Variants in CBL observed in about 807,000 individuals in gnomAD.
The protein encoded by CBL is E3 ubiquitin-protein ligase CBL.
Under a neutral mutation model 96.9 loss-of-function variants are expected in CBL, and 45 were observed. The ratio of observed to expected loss-of-function variants is 0.46; its 90% confidence interval spans 0.37 to 0.60. The LOEUF is 0.60. CBL is among the 20% of genes least tolerant of loss of function. The pLI is 0.00. For missense variants in CBL, 1,024 were observed against 1,143.5 expected (o/e 0.90, Z 1.51); for synonymous variants, 420 against 426.8 (o/e 0.98, Z 0.20).
Position 119,302,171 on chromosome 11 carries a change from G to A in CBL, c.*2390G>A. ...TGTGTTGTGTGTGTGTGCCATCCAT[G>A]GGCTTGGGTGTCAGTTTGTCACAGG... On this transcript the variant is annotated 3_prime_UTR_variant, in exon 16 of 16. Coordinates refer to ENST00000264033, the MANE Select transcript of CBL (RefSeq NM_005188.4). 4.3e-6 allele frequency: 1 copy of A among 232,942 alleles called. No individual in the cohort carries two copies. Among genetic ancestry groups the A allele is most frequent in the Non-Finnish European group, 8.5e-6 (1 of 117,848 alleles). The allele number at this position is 232,942 out of a possible 1,614,324, so 14.4% of individuals were successfully genotyped here. A position where few individuals can be genotyped will look rare whatever the true frequency, so the allele number is the denominator to read the frequency against.
At chr11:119,267,283 A>C (rs189425925) in intron 2 of CBL, among the ~76,000 whole-genome samples, 30 of 152,314 alleles carry the variant, frequency 2.0e-4, no homozygotes, top group Admixed American at 2.0e-4. Flanking sequence ...TTCAGTCAGC[A>C]CTTTGAACTG....
At chr11:119,267,179 GAT>G (rs1378878383) in intron 2 of CBL, among the ~76,000 whole-genome samples, 2 of 152,080 alleles carry the variant, frequency 1.3e-5, no homozygotes, top group Non-Finnish European at 2.9e-5. Flanking sequence ...GCTTACAGTG[GAT>G]ATCTCTGGTG....
chr11:119,297,531 G>A (rs2509660), intron 14 of CBL, 50 bp downstream of exon 14: 2 of 1,345,502 alleles, frequency 1.5e-6, no homozygotes, highest in Non-Finnish European at 2.1e-6. Flanking sequence ...TCATAGGAAT[G>A]AACATGTAAT....
chr11:119,219,613 T>C (rs1394775825), intron 1 of CBL, among the ~76,000 whole-genome samples: 1 of 151,870 alleles, frequency 6.6e-6, no homozygotes, highest in Non-Finnish European at 1.5e-5. Context: ...ACCACTGTAA[T>C]CTCTAGTTCA....
chr11:119,282,000 T>C (rs2509398), intron 9 of CBL, among the ~76,000 whole-genome samples: 4,738 of 152,284 alleles, frequency 0.031, 264 homozygotes, highest in African/African-American at 0.11. Context: ...CATTTATAAA[T>C]TTATAAAGGT....
chr11:119,220,923 C>A lies in CBL; in HGVS notation c.196-11525C>A, dbSNP rs186301653. On this transcript the variant is annotated intron_variant, in intron 1 of 15. Coordinates refer to ENST00000264033, the MANE Select transcript of CBL (RefSeq NM_005188.4). The stretch of plus-strand genomic sequence containing the variant: ...ATGACACTTTTTTTTTTCCTGTGAT[C>A]AGTTGACTTTAAAATATGTTTGTTA... 3.4e-3 allele frequency among the ~76,000 whole-genome samples: 511 copies of A among 150,704 alleles called. 9 individuals carry two copies. Among genetic ancestry groups the A allele is most frequent in the Non-Finnish European group, 1.8e-3 (125 of 67,764 alleles).
At chr11:119,261,912 T>G (rs1949757559) in intron 2 of CBL, among the ~76,000 whole-genome samples, 2 of 152,206 alleles carry the variant, frequency 1.3e-5, no homozygotes, top group Admixed American at 1.3e-4. Flanking sequence ...TATTTGTGCT[T>G]TAATGAGAAT....
intron 2 of CBL, among the ~76,000 whole-genome samples, chr11:119,247,608 C>T (rs1341843428): frequency 2.0e-5 from 3 of 152,128 alleles, no homozygotes; most frequent in Non-Finnish European, 4.4e-5. Flanking sequence ...GTCAAGAGTT[C>T]AAGACTAGCC....
chr11:119,233,377 A>G (rs1045691254), intron 2 of CBL, among the ~76,000 whole-genome samples: 3 of 152,148 alleles, frequency 2.0e-5, no homozygotes, highest in African/African-American at 7.2e-5. Context: ...GGGATTATAG[A>G]TGTGCACCAC....
chr11:119,279,324 A>G (rs1481874556), intron 9 of CBL, among the ~76,000 whole-genome samples: 1 of 151,532 alleles, frequency 6.6e-6, no homozygotes, highest in Non-Finnish European at 1.5e-5. Context: ...ATATAGTGAG[A>G]CCCTATCTCT....
At chr11:119,236,633 G>A (rs1389301601) in intron 2 of CBL, among the ~76,000 whole-genome samples, 3 of 145,620 alleles carry the variant, frequency 2.1e-5, no homozygotes, top group Non-Finnish European at 3.0e-5. Context: ...ACCCATAGGA[G>A]TGGAATTGCT....
rs556111067 is a variant in CBL, at chr11:119,301,937, A to C, written c.*2156A>C. 1 of 233,124 alleles carries C rather than the reference A, an allele frequency of 4.3e-6. No homozygotes were observed. Among genetic ancestry groups the C allele is most frequent in the African/African-American group, 2.2e-5 (1 of 45,430 alleles). 14.4% of individuals were successfully genotyped at this position (233,124 alleles called of 1,614,324 possible). A position where few individuals can be genotyped will look rare whatever the true frequency, so the allele number is the denominator to read the frequency against. On this transcript the variant is annotated 3_prime_UTR_variant, in exon 16 of 16. Coordinates refer to ENST00000264033, the MANE Select transcript of CBL (RefSeq NM_005188.4). ...CAGTTTCCAGGCCCATCCATATTGT[A>C]ATTTTTCTTTATCTGCAGATATTGC...
In CBL at chr11:119,298,480, G is replaced by T. The variant is rs1313299985; in HGVS notation, c.2374G>T (p.Asp792Tyr). The T allele has an allele frequency of 1.9e-6, 3 of 1,614,220 alleles. No homozygotes were observed. Among genetic ancestry groups the T allele is most frequent in the Middle Eastern group, 3.3e-4 (2 of 6,060 alleles). The change falls in exon 15 of 16, where the codon GAT (aspartate) becomes TAT (tyrosine). Residue 792 changes from aspartate to tyrosine, a missense_variant. Around this residue, in one of 4 missense-constraint regions of CBL, gnomAD observed 695 missense variants for 661.6 expected, o/e 1.05. Transcript: ENST00000264033. ...CGTGCTGGCCCGCCGAACTCTCTCA[G>T]ATATCTCTAATGCCAGCTCCTCCTT... is the stretch of plus-strand genomic sequence containing the variant. ...PAVLARRTLS[D>Y]ISNASSSFGW...
chr11:119,299,085 A>G (rs116445813), intron 15 of CBL, among the ~76,000 whole-genome samples: 1,853 of 152,328 alleles, frequency 0.012, 41 homozygotes, highest in African/African-American at 0.042. Flanking sequence ...CAGACGAGCA[A>G]TGTCCCCCAC....
At chr11:119,209,609 T>A (rs904116523) in intron 1 of CBL, among the ~76,000 whole-genome samples, 2 of 150,728 alleles carry the variant, frequency 1.3e-5, no homozygotes, top group Non-Finnish European at 2.9e-5. Context: ...AGAGTGAGAC[T>A]CCGTCTCAAA....
chr11:119,281,913 C>T (rs1949937400), intron 9 of CBL, among the ~76,000 whole-genome samples: 1 of 151,974 alleles, frequency 6.6e-6, no homozygotes, highest in African/African-American at 2.4e-5. Flanking sequence ...TGTAATAAAC[C>T]CTTTCTATTT....
intron 7 of CBL, 26 bp downstream of exon 7, chr11:119,277,870 A>G: frequency 5.0e-6 from 7 of 1,403,152 alleles, no homozygotes; most frequent in Non-Finnish European, 7.1e-6. Flanking sequence ...CATGATAACC[A>G]TATCACTGGA....
rs370242979 is a variant in CBL at position 119,248,223 on chromosome 11, T to C, written c.443+15528T>C. Among the ~76,000 whole-genome samples the C allele has an allele frequency of 8.1e-4, 123 of 152,364 alleles. 1 individual carries two copies. The highest frequency in any genetic ancestry group is 2.8e-3 in the African/African-American group (117 of 41,586). Reference sequence around the variant, plus strand: ...ACTTGTATTTCTGATTTCAAAGCTTTACTGCAAAGCTGCAATAATCAAAAC... The same window carrying C: ...ACTTGTATTTCTGATTTCAAAGCTTCACTGCAAAGCTGCAATAATCAAAAC... On this transcript the variant is annotated intron_variant, in intron 2 of 15. Coordinates refer to ENST00000264033, the MANE Select transcript of CBL (RefSeq NM_005188.4).
At position 119,307,434 on chromosome 11, in the gene CBL, C is replaced by G. The variant is rs1950153264; in HGVS notation, c.*7653C>G. 1 of 232,748 alleles carries G rather than the reference C, an allele frequency of 4.3e-6. No individual in the cohort carries two copies. Among genetic ancestry groups the G allele is most frequent in the Non-Finnish European group, 8.5e-6 (1 of 117,540 alleles). The allele number at this position is 232,748 out of a possible 1,614,324, so 14.4% of individuals were successfully genotyped here. ...CTGAACTGGTCTAGACCTCCTGCCC[C>G]CACCCCCCAGCCCCCATCAGATGTG... On this transcript the variant is annotated 3_prime_UTR_variant, in exon 16 of 16. Transcript: ENST00000264033.
Sources: gnomAD v4.1 joint callset for allele counts (sites outside exome capture counted in the v4.1 genomes callset) on GRCh38, gnomAD v4.1.1 for gene constraint, gnomAD v4.1.1 regional missense constraint, MANE v1.5 for transcripts, NCBI Gene and HGNC (gene_info 2026-07-23, HGNC 2026-07-21) for gene names.